PPP5C: variants seen among roughly 807,000 people sequenced by gnomAD.
PPP5C encodes the protein serine/threonine-protein phosphatase 5.
A neutral mutation model predicts 66.7 loss-of-function variants in PPP5C; 21 were observed. The observed-to-expected ratio is 0.31, with a 90% CI of 0.22 to 0.45. The LOEUF is 0.45. PPP5C is among the 20% of genes least tolerant of loss of function. PPP5C has a pLI of 1.00. For synonymous variants in PPP5C, 246 were observed against 257.4 expected (o/e 0.96, Z 0.43); for missense variants, 464 against 675.9 (o/e 0.69, Z 3.48).
chr19:46,351,209 G>A (rs1972177773), intron 1 of PPP5C, among the ~76,000 whole-genome samples: 2 of 152,160 alleles, frequency 1.3e-5, no homozygotes, highest in Admixed American at 6.5e-5. Flanking sequence ...CCTGCTTGAT[G>A]ACGCCTGGGC....
intron 2 of PPP5C, among the ~76,000 whole-genome samples, chr19:46,355,282 GA>G (rs1487458407): frequency 1.8e-5 from 2 of 109,098 alleles, no homozygotes; most frequent in East Asian, 5.1e-4. Flanking sequence ...CCTGCCCCCC[GA>G]CACAGACACA....
rs903749904 is a variant in PPP5C at position 46,374,735 on chromosome 19, C to G, written c.364-869C>G. On this transcript the variant is annotated intron_variant, in intron 2 of 12. Transcript: ENST00000012443. ...GCAGTGGGCGCCCACGTGGAGTTTCCTTTCACCTGGCACCACTGTGCAGGG... is the reference window on the plus strand; with the variant it reads ...GCAGTGGGCGCCCACGTGGAGTTTCGTTTCACCTGGCACCACTGTGCAGGG... Among the ~76,000 whole-genome samples, 10 of 152,276 alleles carry G rather than the reference C, an allele frequency of 6.6e-5. 1 individual carries two copies. In the South Asian group the frequency reaches 1.7e-3, roughly 25 times the overall value.
chr19:46,364,633 T>G (rs1327400120), intron 2 of PPP5C, among the ~76,000 whole-genome samples: 1 of 152,122 alleles, frequency 6.6e-6, no homozygotes, highest in African/African-American at 2.4e-5. Flanking sequence ...GTTGGAGCAT[T>G]TAAAGGGTTT....
chr19:46,388,310 C>A lies in PPP5C; in HGVS notation c.1136-98C>A. On this transcript the variant is annotated intron_variant, in intron 9 of 12. Transcript: ENST00000012443. This position sits in a 1 kb window ranked among gnomAD's most constrained non-coding sequence, Gnocchi z 4.9. ...CTGCCCAACACCCACCCAGGCTGGG[C>A]TGTGGGGTCAGCACCTGGCCGGGCC... 7.6e-7 allele frequency: 1 copy of A among 1,320,500 alleles called. No individual in the cohort carries two copies. Among genetic ancestry groups the A allele is most frequent in the Non-Finnish European group, 1.0e-6 (1 of 967,402 alleles). The allele number at this position is 1,320,500 out of a possible 1,614,324, so 81.8% of individuals were successfully genotyped here. A position where few individuals can be genotyped will look rare whatever the true frequency, so the allele number is the denominator to read the frequency against.
rs934720015 is a variant in PPP5C, at chr19:46,358,799, C to T, written c.363+4810C>T. ...TAACATTGATCAGTAATTGGCTCTG[C>T]GTTATTAAATTACAGGGTGTAAGTG... On this transcript the variant is annotated intron_variant, in intron 2 of 12. Transcript: ENST00000012443. Among the ~76,000 whole-genome samples, 4 of 152,032 alleles carry T rather than the reference C, an allele frequency of 2.6e-5. No individual in the cohort carries two copies. In the South Asian group the frequency reaches 6.2e-4, roughly 24 times the overall value.
At chr19:46,354,516 G>A (rs1006881949) in intron 2 of PPP5C, among the ~76,000 whole-genome samples, 1 of 152,138 alleles carries the variant, frequency 6.6e-6, no homozygotes, top group East Asian at 1.9e-4. Flanking sequence ...AAGGGCAGTC[G>A]GGCACAGTGG....
intron 2 of PPP5C, among the ~76,000 whole-genome samples, chr19:46,357,586 C>G (rs757516796): frequency 6.6e-6 from 1 of 152,210 alleles, no homozygotes; most frequent in Non-Finnish European, 1.5e-5. Context: ...ATGCTGATCA[C>G]AAGACCTAGG....
rs75240514 is a variant in PPP5C, at chr19:46,367,679, C to G, written c.364-7925C>G. 1.5e-4 allele frequency among the ~76,000 whole-genome samples: 23 copies of G among 152,270 alleles called. No homozygotes were observed. The East Asian group carries it at 4.4e-3, about 29-fold the overall frequency. On this transcript the variant is annotated intron_variant, in intron 2 of 12. Transcript: ENST00000012443. ...GCTCCTCTCTGCAAGCTGGACCTTA[C>G]GGTGGGAACCGCAGTCACTCAGTTG...
rs1972831090 is a variant in PPP5C, at chr19:46,383,513, G to T, written c.699+37G>T. On this transcript the variant is annotated intron_variant, in intron 5 of 12. Coordinates refer to ENST00000012443, the MANE Select transcript of PPP5C (RefSeq NM_006247.4). This position sits in a 1 kb window ranked among gnomAD's most constrained non-coding sequence, Gnocchi z 5.0. Reference sequence around the variant, plus strand: ...GGGGCAGTGCGGGGAGGGCCAGCGGGGGTGGGCTCTCTGGCTGGGGAGGGG... The same window carrying T: ...GGGGCAGTGCGGGGAGGGCCAGCGGTGGTGGGCTCTCTGGCTGGGGAGGGG... 6.4e-7 allele frequency: 1 copy of T among 1,556,640 alleles called. No individual in the cohort carries two copies. The highest frequency in any genetic ancestry group is 8.7e-7 in the Non-Finnish European group (1 of 1,143,050).
intron 1 of PPP5C, among the ~76,000 whole-genome samples, chr19:46,349,251 A>G (rs1601407351): frequency 6.6e-6 from 1 of 151,998 alleles, no homozygotes; most frequent in Non-Finnish European, 1.5e-5. Context: ...CCAAGATCAC[A>G]CCACTGCATT....
In PPP5C at chr19:46,376,734, T is replaced by C. The variant is rs1329719426; in HGVS notation, c.633+160T>C. On this transcript the variant is annotated intron_variant, in intron 4 of 12. Coordinates refer to ENST00000012443, the MANE Select transcript of PPP5C (RefSeq NM_006247.4). The surrounding 1 kb of genome is among the most constrained non-coding windows in gnomAD (Gnocchi z 5.1). Reference sequence around the variant, plus strand: ...GACACTGTGCCGAGGGCTTACCACATGATCTCATCTCGTCCCACAGCAGTT... The same window carrying C: ...GACACTGTGCCGAGGGCTTACCACACGATCTCATCTCGTCCCACAGCAGTT... 4.0e-6 allele frequency: 4 copies of C among 998,254 alleles called. No individual in the cohort carries two copies. Among genetic ancestry groups the C allele is most frequent in the Non-Finnish European group, 5.7e-6 (4 of 699,328 alleles). 61.8% of individuals were successfully genotyped at this position (998,254 alleles called of 1,614,324 possible).
intron 2 of PPP5C, among the ~76,000 whole-genome samples, chr19:46,373,680 C>T (rs571420984): frequency 5.9e-5 from 9 of 152,100 alleles, no homozygotes; most frequent in East Asian, 1.9e-4. Flanking sequence ...GACTGCTGCA[C>T]GCACAGCTAT....
At chr19:46,386,941 G>T in intron 7 of PPP5C, 152 bp from the exon 8 acceptor site, 3 of 1,037,616 alleles carry the variant, frequency 2.9e-6, no homozygotes, top group Non-Finnish European at 2.8e-6. Context: ...TTCCCCCCTT[G>T]GTACCTCCAG....
In PPP5C at chr19:46,383,257, C is replaced by A; in HGVS notation, c.634-154C>A. On this transcript the variant is annotated intron_variant, in intron 4 of 12. Coordinates refer to ENST00000012443, the MANE Select transcript of PPP5C (RefSeq NM_006247.4). The surrounding 1 kb of genome is among the most constrained non-coding windows in gnomAD (Gnocchi z 5.0). Reference sequence around the variant, plus strand: ...GCGGCTGCCTCCGGCCCCGCCTGCTCCCGCTCCCCCAGGCCTGCCCTGCCC... The same window carrying A: ...GCGGCTGCCTCCGGCCCCGCCTGCTACCGCTCCCCCAGGCCTGCCCTGCCC... The A allele has an allele frequency of 6.5e-7, 1 of 1,544,960 alleles. No homozygotes were observed. Among genetic ancestry groups the A allele is most frequent in the Non-Finnish European group, 8.7e-7 (1 of 1,145,972 alleles).
chr19:46,368,329 C>T lies in PPP5C; in HGVS notation c.364-7275C>T, dbSNP rs567306926. 1.7e-3 allele frequency among the ~76,000 whole-genome samples: 260 copies of T among 152,298 alleles called. 1 individual carries two copies. The highest frequency in any genetic ancestry group is 6.0e-3 in the African/African-American group (248 of 41,576). On this transcript the variant is annotated intron_variant, in intron 2 of 12. Transcript: ENST00000012443. The stretch of plus-strand genomic sequence containing the variant: ...CGGTTTCATTGCTTGAGCAGGTGAA[C>T]GCATCTCCTGGACCTGCCATGCAGC...
intron 2 of PPP5C, among the ~76,000 whole-genome samples, chr19:46,356,904 C>T (rs975170428): frequency 1.3e-5 from 2 of 152,184 alleles, no homozygotes; most frequent in African/African-American, 2.4e-5. Context: ...GCTCTGGGCT[C>T]AGGACGCCTA....
At chr19:46,350,745 G>A (rs1020792241) in intron 1 of PPP5C, among the ~76,000 whole-genome samples, 1 of 140,642 alleles carries the variant, frequency 7.1e-6, no homozygotes, top group African/African-American at 2.6e-5. Flanking sequence ...AGCAAGGCTC[G>A]GAGAAGTGAA....
rs749394921 is a variant in PPP5C, at chr19:46,383,354, G to A, written c.634-57G>A. ...CTCATGGGCAGTCCAGGCTTTCGGGGCCAGGTTGGGCAGCAGCCCCTGCAG... is the reference window on the plus strand; with the variant it reads ...CTCATGGGCAGTCCAGGCTTTCGGGACCAGGTTGGGCAGCAGCCCCTGCAG... On this transcript the variant is annotated intron_variant, in intron 4 of 12. Transcript: ENST00000012443. This position sits in a 1 kb window ranked among gnomAD's most constrained non-coding sequence, Gnocchi z 5.0. 2 of 1,584,114 alleles carry A rather than the reference G, an allele frequency of 1.3e-6. No homozygotes were observed. Among genetic ancestry groups the A allele is most frequent in the South Asian group, 2.3e-5 (2 of 86,528 alleles).
At chr19:46,375,901 C>T in intron 3 of PPP5C, 150 bp downstream of exon 3, 2 of 1,354,194 alleles carry the variant, frequency 1.5e-6, no homozygotes, top group African/African-American at 1.5e-5. Context: ...TTCCAGGGCG[C>T]TCCATCCACA....
Sources: allele counts gnomAD v4.1 joint callset (sites outside exome capture counted in the v4.1 genomes callset), GRCh38; gene constraint gnomAD v4.1.1; non-coding constraint Gnocchi (gnomAD v3.1); transcripts MANE v1.5; gene names NCBI Gene and HGNC (gene_info 2026-07-23, HGNC 2026-07-21).